ADGRL2: variants seen among roughly 807,000 people sequenced by gnomAD.
The protein encoded by ADGRL2 is adhesion G protein-coupled receptor L2.
Under a neutral mutation model 157.4 loss-of-function variants are expected in ADGRL2, and 44 were observed. That is an observed-to-expected ratio of 0.28 (90% CI 0.22 to 0.36). ADGRL2 has a LOEUF of 0.36. Among genes scored for constraint, ADGRL2 ranks in the 10% least tolerant of loss-of-function variants. The pLI, the probability that ADGRL2 is intolerant of heterozygous loss-of-function variation, is 1.00. For synonymous variants in ADGRL2, 585 were observed against 624.7 expected, an observed-to-expected ratio of 0.94 and a Z score of 0.95; for missense variants, 1,510 against 1,768.9, an observed-to-expected ratio of 0.85 and a Z score of 2.63.
At chr1:81,376,641 A>C (rs1188236333) in intron 1 of ADGRL2, among the ~76,000 whole-genome samples, 3 of 132,174 alleles carry the variant, frequency 2.3e-5, no homozygotes, top group East Asian at 2.2e-4. Context: ...TTCTTTATTC[A>C]CTCTCTCCCT....
intron 1 of ADGRL2, among the ~76,000 whole-genome samples, chr1:81,377,632 C>T (rs1333103163): frequency 1.3e-5 from 2 of 152,060 alleles, no homozygotes; most frequent in African/African-American, 4.8e-5. Flanking sequence ...GTCACCAGCC[C>T]ACATCCAGGT....
At chr1:81,759,714 A>C (rs2085806793) in intron 1 of ADGRL2, among the ~76,000 whole-genome samples, 1 of 152,046 alleles carries the variant, frequency 6.6e-6, no homozygotes. Context: ...AGCTTGACCA[A>C]ATTTCCTTCA....
At chr1:81,459,125 A>G (rs1238165380) in intron 2 of ADGRL2, among the ~76,000 whole-genome samples, 1 of 152,114 alleles carries the variant, frequency 6.6e-6, no homozygotes, top group East Asian at 1.9e-4. Context: ...TGATTGGTCT[A>G]TGGGTGGTCT....
chr1:81,909,067 G>C lies in ADGRL2; in HGVS notation c.287+1837G>C, dbSNP rs568684690. Among the ~76,000 whole-genome samples the C allele has an allele frequency of 4.6e-5, 7 of 151,882 alleles. No individual in the cohort carries two copies. In the South Asian group the frequency reaches 1.2e-3, roughly 27 times the overall value. The stretch of plus-strand genomic sequence containing the variant: ...TTTTTTGTATTTTTAGTAGAGACAG[G>C]GTTTTACCATGTTGGCCAGGCTGGT... On this transcript the variant is annotated intron_variant, in intron 3 of 23. Transcript: ENST00000686636.
chr1:81,714,816 C>T (rs1240142219), intron 1 of ADGRL2, among the ~76,000 whole-genome samples: 4 of 151,478 alleles, frequency 2.6e-5, no homozygotes, highest in African/African-American at 9.7e-5. Context: ...GGTAGTCACT[C>T]CACATTGATT....
intron 2 of ADGRL2, among the ~76,000 whole-genome samples, chr1:81,774,204 G>A (rs535173726): frequency 6.6e-6 from 1 of 152,260 alleles, no homozygotes; most frequent in African/African-American, 2.4e-5. Context: ...AGTCATGAAG[G>A]GCTGGCCAAT....
At chr1:81,648,903 G>A (rs2082361292) in intron 3 of ADGRL2, among the ~76,000 whole-genome samples, 1 of 152,172 alleles carries the variant, frequency 6.6e-6, no homozygotes, top group African/African-American at 2.4e-5. Context: ...TACAGGACAA[G>A]TGTCTACCTT....
At position 81,388,252 on chromosome 1, in the gene ADGRL2, A is replaced by G. The variant is rs571941704; in HGVS notation, c.-301-56784A>G. Among the ~76,000 whole-genome samples, 38 of 152,234 alleles carry G rather than the reference A, an allele frequency of 2.5e-4. 1 individual carries two copies. In the South Asian group the frequency reaches 5.4e-3, roughly 22 times the overall value. ...ATAGTGCTTTGTGTGTGTTTTATTC[A>G]GGAGGATTCCTTGAGGCCTAGCATG... On this transcript the variant is annotated intron_variant, in intron 1 of 24. Coordinates refer to the ADGRL2 transcript ENST00000370721.
chr1:81,447,317 G>T (rs898306456), intron 2 of ADGRL2, among the ~76,000 whole-genome samples: 3 of 152,148 alleles, frequency 2.0e-5, no homozygotes, highest in Admixed American at 6.5e-5. Flanking sequence ...AGTTACTGTG[G>T]AAGGGATAAT....
intron 3 of ADGRL2, among the ~76,000 whole-genome samples, chr1:81,656,020 C>G (rs934411010): frequency 3.9e-5 from 6 of 152,208 alleles, no homozygotes; most frequent in Non-Finnish European, 7.3e-5. Context: ...CATACTCCTT[C>G]AAACAGAGTA....
At position 81,444,672 on chromosome 1, in the gene ADGRL2, GCTGT is replaced by G. The variant is rs1250458846; in HGVS notation, c.-301-361_-301-358del. 3.3e-5 allele frequency among the ~76,000 whole-genome samples: 5 copies of G among 152,252 alleles called. No homozygotes were observed. In the East Asian group the frequency reaches 9.7e-4, roughly 29 times the overall value. On this transcript the variant is annotated intron_variant, in intron 1 of 24. Coordinates refer to the ADGRL2 transcript ENST00000370721. ...TAAAGTAAGCAGGTGGCATCAATGG[GCTGT>G]CTAATGACTAACAAGATAAGAGTGC...
At chr1:81,775,517 G>A (rs1485811500) in intron 2 of ADGRL2, among the ~76,000 whole-genome samples, 3 of 151,872 alleles carry the variant, frequency 2.0e-5, no homozygotes, top group Admixed American at 2.0e-4. Flanking sequence ...TATAATCTGG[G>A]GAGATCAAAA....
rs2088008154 is a variant in ADGRL2, at chr1:81,801,073, G to A, written c.-101+5G>A. On this transcript the variant is annotated splice_donor_5th_base_variant and intron_variant, in intron 1 of 23. Coordinates refer to ENST00000686636, the MANE Select transcript of ADGRL2 (RefSeq NM_001366006.2). ...CCGTCCGAAGGGCTCGAGCCCGTAAGTATCCCCTTTCGCTCCTCCTCCCCG... is the reference window on the plus strand; with the variant it reads ...CCGTCCGAAGGGCTCGAGCCCGTAAATATCCCCTTTCGCTCCTCCTCCCCG... 1.3e-5 allele frequency among the ~76,000 whole-genome samples: 2 copies of A among 152,080 alleles called. No homozygotes were observed. The highest frequency in any genetic ancestry group is 1.3e-4 in the Admixed American group (2 of 15,292).
At position 81,524,069 on chromosome 1, in the gene ADGRL2, T is replaced by TA. The variant is rs1462031449; in HGVS notation, c.-247-56800dup. ...ACGGTGCAAGATTTCATCTCAAAAA[T>TA]AAAAAAATGGGCCAGGCGCAGTGGC... On this transcript the variant is annotated intron_variant, in intron 2 of 24. Coordinates refer to the ADGRL2 transcript ENST00000370721. 7.4e-5 allele frequency among the ~76,000 whole-genome samples: 11 copies of TA among 149,240 alleles called. No individual in the cohort carries two copies. The South Asian group carries it at 8.5e-4, about 12-fold the overall frequency.
At chr1:81,841,313 C>A (rs372416937) in intron 2 of ADGRL2, among the ~76,000 whole-genome samples, 1 of 151,908 alleles carries the variant, frequency 6.6e-6, no homozygotes, top group Non-Finnish European at 1.5e-5. Flanking sequence ...TAGTTTCTTG[C>A]CAGTTTTTAC....
At chr1:81,450,622 C>G (rs2077685656) in intron 2 of ADGRL2, among the ~76,000 whole-genome samples, 1 of 151,904 alleles carries the variant, frequency 6.6e-6, no homozygotes, top group African/African-American at 2.4e-5. Context: ...TGCTCAGGTA[C>G]CAGGAAGATG....
chr1:81,479,283 G>C (rs1028109543), intron 2 of ADGRL2, among the ~76,000 whole-genome samples: 3 of 150,450 alleles, frequency 2.0e-5, no homozygotes, highest in African/African-American at 7.3e-5. Context: ...GACCAGCTTG[G>C]CTAACATGGC....
chr1:81,315,045 A>G (rs941487741), intron 1 of ADGRL2, among the ~76,000 whole-genome samples: 1 of 152,220 alleles, frequency 6.6e-6, no homozygotes, highest in African/African-American at 2.4e-5. Flanking sequence ...CAGCCTTAAT[A>G]TAAATGTCTT....
intron 2 of ADGRL2, among the ~76,000 whole-genome samples, chr1:81,777,528 T>C (rs2086634567): frequency 6.6e-6 from 1 of 152,206 alleles, no homozygotes; most frequent in Admixed American, 6.5e-5. Flanking sequence ...CCCAGCACTT[T>C]GGGAGGCAGA....
Sources: gnomAD v4.1 joint callset for allele counts (sites outside exome capture counted in the v4.1 genomes callset) on GRCh38, gnomAD v4.1.1 for gene constraint, MANE v1.5 for transcripts, NCBI Gene and HGNC (gene_info 2026-07-23, HGNC 2026-07-21) for gene names.